MPC2: variants seen among roughly 807,000 people sequenced by gnomAD.
MPC2 encodes the protein brain protein 44.
In MPC2, 19 loss-of-function variants were observed where a neutral mutation model predicts 19.2. The ratio of observed to expected loss-of-function variants is 0.99; its 90% CI spans 0.69 to 1.45. MPC2 has a LOEUF of 1.45. MPC2 is among the 40% of genes most tolerant of loss of function. MPC2 has a pLI of 0.00. For missense variants in MPC2, 122 were observed against 153.0 expected (o/e 0.80, Z 1.07); for synonymous variants, 61 against 54.3 (o/e 1.12, Z -0.54).
intron 2 of MPC2, among the ~76,000 whole-genome samples, chr1:167,925,442 CATATATATATATATATAT>C (rs369657697): frequency 0.021 from 1,757 of 82,496 alleles, 42 homozygotes; most frequent in Middle Eastern, 0.039. Flanking sequence ...TACATATACA[CATATATATATATATATAT>C]ATATATATAT....
chr1:167,936,075 G>A, intron 1 of MPC2, 177 bp from the exon 2 acceptor site: 1 of 580,326 alleles, frequency 1.7e-6, no homozygotes, highest in South Asian at 2.0e-5. Flanking sequence ...GTCCGCCTCC[G>A]GCCCCCGGCA....
intron 2 of MPC2, among the ~76,000 whole-genome samples, chr1:167,933,838 T>C (rs1670983909): frequency 6.6e-6 from 1 of 152,230 alleles, no homozygotes; most frequent in Admixed American, 6.5e-5. Flanking sequence ...ATATCCTTAC[T>C]CTGTATGTTG....
intron 2 of MPC2, among the ~76,000 whole-genome samples, chr1:167,930,953 T>C (rs1478154019): frequency 6.6e-6 from 1 of 152,222 alleles, no homozygotes; most frequent in Non-Finnish European, 1.5e-5. Flanking sequence ...TCAAGGATGA[T>C]AATCTGCTCT....
chr1:167,926,458 G>A (rs181164435), intron 2 of MPC2, among the ~76,000 whole-genome samples: 21 of 152,174 alleles, frequency 1.4e-4, no homozygotes, highest in Middle Eastern at 3.4e-3. Context: ...ACATTTTTAC[G>A]AAGGGAAAAA....
At chr1:167,927,473 G>A (rs983409136) in intron 2 of MPC2, among the ~76,000 whole-genome samples, 1 of 152,088 alleles carries the variant, frequency 6.6e-6, no homozygotes, top group Non-Finnish European at 1.5e-5. Flanking sequence ...ATGGAGTTTC[G>A]CTTCATCAAT....
Position 167,918,269 on chromosome 1 carries a change from T to A in MPC2, c.*54A>T. On this transcript the variant is annotated 3_prime_UTR_variant, in exon 6 of 6. Coordinates refer to ENST00000271373, the MANE Select transcript of MPC2 (RefSeq NM_001143674.4). ...CTTTATCAATAACCAAATAATAAAC[T>A]AGGTCCCAATGGTTTTGTCCACATC... The A allele has an allele frequency of 7.2e-7, 1 of 1,387,490 alleles. No individual in the cohort carries two copies. The highest frequency in any genetic ancestry group is 1.0e-6 in the Non-Finnish European group (1 of 999,688). The allele number at this position is 1,387,490 out of a possible 1,614,324, so 85.9% of individuals were successfully genotyped here.
intron 3 of MPC2, among the ~76,000 whole-genome samples, chr1:167,921,591 T>C (rs185992611): frequency 1.3e-5 from 2 of 152,334 alleles, no homozygotes; most frequent in African/African-American, 4.8e-5. Flanking sequence ...TTTTTAACAC[T>C]GTCTCTATTG....
chr1:167,936,190 T>A lies in MPC2; in HGVS notation c.-57-292A>T, dbSNP rs756818996. 11 of 271,002 alleles carry A rather than the reference T, an allele frequency of 4.1e-5. No individual in the cohort carries two copies. The Admixed American group carries it at 5.0e-4, about 12-fold the overall frequency. The allele number at this position is 271,002 out of a possible 1,614,324, so 16.8% of individuals were successfully genotyped here. ...CTTGCGCAGGCCGAGCTGCCCGCCA[T>A]GATTGGCCCGCCCCGAGGCGCGGGC... On this transcript the variant is annotated intron_variant, in intron 1 of 5. Coordinates refer to ENST00000271373, the MANE Select transcript of MPC2 (RefSeq NM_001143674.4).
intron 3 of MPC2, among the ~76,000 whole-genome samples, chr1:167,921,304 C>T (rs1006829113): frequency 6.6e-6 from 1 of 151,954 alleles, no homozygotes; most frequent in Non-Finnish European, 1.5e-5. Flanking sequence ...CTCACTGCAA[C>T]CTCCACCTCC....
chr1:167,918,675 G>T (rs1226747792), intron 5 of MPC2, among the ~76,000 whole-genome samples: 2 of 146,402 alleles, frequency 1.4e-5, no homozygotes, highest in Admixed American at 6.9e-5. Flanking sequence ...CTCGCTGCAA[G>T]CTCTGCCTCC....
chr1:167,932,217 C>T (rs953590122), intron 2 of MPC2, among the ~76,000 whole-genome samples: 4 of 151,840 alleles, frequency 2.6e-5, no homozygotes, highest in Non-Finnish European at 4.4e-5. Context: ...GAACATATGC[C>T]CTATCAGTAA....
chr1:167,924,473 C>T (rs763637218), intron 3 of MPC2, 24 bp downstream of exon 3: 27 of 1,586,428 alleles, frequency 1.7e-5, no homozygotes, highest in Non-Finnish European at 2.1e-5. Context: ...CTTTCAGTAG[C>T]TTCCGTAAAA....
chr1:167,925,685 T>C (rs1670740135), intron 2 of MPC2, among the ~76,000 whole-genome samples: 1 of 151,498 alleles, frequency 6.6e-6, no homozygotes, highest in African/African-American at 2.4e-5. Flanking sequence ...TAGCTGGGAT[T>C]ACAGGCGCCT....
intron 5 of MPC2, among the ~76,000 whole-genome samples, chr1:167,918,990 G>C (rs531824143): frequency 6.6e-6 from 1 of 152,100 alleles, no homozygotes; most frequent in Non-Finnish European, 1.5e-5. Flanking sequence ...ACAAGAACGT[G>C]ACAAACTTGT....
In MPC2 at chr1:167,926,706, G is replaced by A. The variant is rs550163090; in HGVS notation, c.110-2169C>T. 2.8e-3 allele frequency among the ~76,000 whole-genome samples: 429 copies of A among 152,260 alleles called. 1 individual carries two copies. Among genetic ancestry groups the A allele is most frequent in the African/African-American group, 9.7e-3 (402 of 41,564 alleles). ...ACATCCTCCAATGCGCAGGACAGCC[G>A]CTCCCAGAAAGTAGAGGGTTAAGAA... On this transcript the variant is annotated intron_variant, in intron 2 of 5. Transcript: ENST00000271373.
At position 167,917,871 on chromosome 1, in the gene MPC2, T is replaced by A. The variant is rs1395370880; in HGVS notation, c.*452A>T. ...TCTTCATGGCAAGTTAAAATGTTTT[T>A]AAATAGTTTGAGGTCATCTTGATAG... On this transcript the variant is annotated 3_prime_UTR_variant, in exon 6 of 6. Coordinates refer to ENST00000271373, the MANE Select transcript of MPC2 (RefSeq NM_001143674.4). The A allele has an allele frequency of 6.5e-6, 1 of 152,830 alleles. No homozygotes were observed. The highest frequency in any genetic ancestry group is 1.5e-5 in the Non-Finnish European group (1 of 68,490). The allele number at this position is 152,830 out of a possible 1,614,324, so 9.5% of individuals were successfully genotyped here. A position where few individuals can be genotyped will look rare whatever the true frequency, so the allele number is the denominator to read the frequency against.
chr1:167,920,377 C>T (rs1174287134), intron 4 of MPC2, among the ~76,000 whole-genome samples, 170 bp downstream of exon 4: 1 of 152,160 alleles, frequency 6.6e-6, no homozygotes, highest in African/African-American at 2.4e-5. Context: ...GATACTTATT[C>T]TTTCTGTGAC....
In MPC2 at chr1:167,924,540, G is replaced by GAAAAAAA; in HGVS notation, c.110-10_110-4dup. ...CCAGAAGAAAACTGTTCTGGGACCT[G>GAAAAAAA]AAAAAAAAAAGAAAAGAAAAATTCA... On this transcript the variant is annotated splice_region_variant and splice_polypyrimidine_tract_variant and intron_variant, in intron 2 of 5. Transcript: ENST00000271373. 1 of 1,243,800 alleles carries GAAAAAAA rather than the reference G, an allele frequency of 8.0e-7. No homozygotes were observed. Among genetic ancestry groups the GAAAAAAA allele is most frequent in the Non-Finnish European group, 1.1e-6 (1 of 925,550 alleles). 77.0% of individuals were successfully genotyped at this position (1,243,800 alleles called of 1,614,324 possible). A position where few individuals can be genotyped will look rare whatever the true frequency, so the allele number is the denominator to read the frequency against.
At chr1:167,925,237 G>T (rs1363503790) in intron 2 of MPC2, among the ~76,000 whole-genome samples, 2 of 151,580 alleles carry the variant, frequency 1.3e-5, no homozygotes, top group African/African-American at 4.8e-5. Flanking sequence ...CCAGTTATTT[G>T]TAAATCTATG....
Sources: gnomAD v4.1 joint callset for allele counts (sites outside exome capture counted in the v4.1 genomes callset) on GRCh38, gnomAD v4.1.1 for gene constraint, MANE v1.5 for transcripts, NCBI Gene and HGNC (gene_info 2026-07-23, HGNC 2026-07-21) for gene names.